TASP1: variants seen among roughly 807,000 people sequenced by gnomAD.
TASP1 encodes threonine aspartase 1.
A neutral mutation model predicts 56.6 loss-of-function variants in TASP1; 16 were observed. The observed-to-expected ratio is 0.28, with a 90% CI of 0.19 to 0.43. The LOEUF (loss-of-function observed/expected upper bound fraction) is 0.43, where lower values mean the gene tolerates loss of function less well. Among genes scored for constraint, TASP1 ranks in the 20% least tolerant of loss-of-function variants. TASP1 has a pLI of 1.00. For missense variants in TASP1, 393 were observed against 511.6 expected (o/e 0.77, Z 2.24); for synonymous variants, 179 against 184.2 (o/e 0.97, Z 0.23).
the TASP1 span, among the ~76,000 whole-genome samples, chr20:13,362,002 C>T: frequency 6.7e-6 from 1 of 150,150 alleles, no homozygotes; most frequent in Non-Finnish European, 1.5e-5. Flanking sequence ...CATCACCAAT[C>T]ATTCTATACC....
the TASP1 span, among the ~76,000 whole-genome samples, chr20:13,276,385 C>T: frequency 2.9e-4 from 44 of 152,274 alleles, 1 homozygote; most frequent in East Asian, 7.9e-3. Context: ...TGCTTCTAGT[C>T]AATGTATTAA....
chr20:13,163,284 C>T, the TASP1 span, among the ~76,000 whole-genome samples: 1 of 148,678 alleles, frequency 6.7e-6, no homozygotes, highest in Non-Finnish European at 1.5e-5. Context: ...AGGAGAATCA[C>T]TTGAACCCGG....
chr20:13,433,093 A>G (rs1048504377), intron 12 of TASP1, among the ~76,000 whole-genome samples: 8 of 152,052 alleles, frequency 5.3e-5, no homozygotes, highest in African/African-American at 7.2e-5. Flanking sequence ...TGTCATCTAC[A>G]TTAAGTATTT....
rs182070678 is a variant in TASP1, at chr20:13,536,132, T to G, written c.676-1991A>C. ...ACCTTTAAGAAGGCTTCTCAAATTTTAATGTGCACACACATCATCAGGAGA... is the reference window on the plus strand; with the variant it reads ...ACCTTTAAGAAGGCTTCTCAAATTTGAATGTGCACACACATCATCAGGAGA... On this transcript the variant is annotated intron_variant, in intron 8 of 13. Transcript: ENST00000337743. Among the ~76,000 whole-genome samples, 350 of 152,318 alleles carry G rather than the reference T, an allele frequency of 2.3e-3. 1 individual carries two copies. The highest frequency in any genetic ancestry group is 8.1e-3 in the African/African-American group (338 of 41,576).
At chr20:13,461,939 G>A (rs1182161016) in intron 11 of TASP1, among the ~76,000 whole-genome samples, 1 of 152,120 alleles carries the variant, frequency 6.6e-6, no homozygotes, top group Non-Finnish European at 1.5e-5. Flanking sequence ...CCCATTTTGT[G>A]GAGGAGACAA....
Position 13,421,753 on chromosome 20 carries a change from G to A in TASP1, c.1097-4232C>T, listed in dbSNP as rs1461421948. Among the ~76,000 whole-genome samples, 5 of 152,260 alleles carry A rather than the reference G, an allele frequency of 3.3e-5. No homozygotes were observed. In the East Asian group the frequency reaches 9.7e-4, roughly 29 times the overall value. On this transcript the variant is annotated intron_variant, in intron 12 of 13. Transcript: ENST00000337743. The stretch of plus-strand genomic sequence containing the variant: ...AAAAGAGCAGATTCATATAGCAGTG[G>A]TGGGAGTATGGCCATCTGCAAGAAC...
the TASP1 span, chr20:13,166,035 G>A: frequency 5.9e-5 from 9 of 152,576 alleles, no homozygotes; most frequent in South Asian, 1.9e-3. Context: ...ATCTGATCTA[G>A]TTTGTATGGA....
At chr20:13,210,262 T>C in the TASP1 span, among the ~76,000 whole-genome samples, 70,799 of 150,948 alleles carry the variant, frequency 0.47, 17,945 homozygotes, top group African/African-American at 0.68. Flanking sequence ...AATTGATACA[T>C]GTTTGGATTG....
At chr20:13,305,620 T>C in the TASP1 span, among the ~76,000 whole-genome samples, 1 of 152,190 alleles carries the variant, frequency 6.6e-6, no homozygotes, top group Non-Finnish European at 1.5e-5. Context: ...GAAACATACA[T>C]CCATGTCTAC....
At chr20:13,473,736 T>C (rs554340207) in intron 11 of TASP1, among the ~76,000 whole-genome samples, 1 of 152,298 alleles carries the variant, frequency 6.6e-6, no homozygotes, top group East Asian at 1.9e-4. Flanking sequence ...CTTCCTCTGC[T>C]TCTTTTGAAC....
chr20:13,406,392 T>C (rs1568757327), intron 13 of TASP1, among the ~76,000 whole-genome samples: 1 of 152,226 alleles, frequency 6.6e-6, no homozygotes, highest in Non-Finnish European at 1.5e-5. Flanking sequence ...ACATCATTCG[T>C]TAGATTCATT....
intron 11 of TASP1, among the ~76,000 whole-genome samples, chr20:13,445,842 A>G (rs2043390759): frequency 6.6e-6 from 1 of 152,146 alleles, no homozygotes. Context: ...GGGAGCAGGT[A>G]GGGTGGTATA....
intron 4 of TASP1, among the ~76,000 whole-genome samples, chr20:13,600,060 T>C (rs1190327447): frequency 9.2e-5 from 14 of 152,062 alleles, no homozygotes; most frequent in Admixed American, 6.6e-5. Flanking sequence ...CATGAAATAC[T>C]TGGGAATAAA....
intron 11 of TASP1, among the ~76,000 whole-genome samples, chr20:13,442,141 A>G (rs1253881865): frequency 6.6e-6 from 1 of 151,890 alleles, no homozygotes; most frequent in Non-Finnish European, 1.5e-5. Flanking sequence ...CTTTCCCCCC[A>G]TAAACTGAGT....
chr20:13,244,126 C>G, the TASP1 span: 2 of 152,204 alleles, frequency 1.3e-5, no homozygotes, highest in African/African-American at 2.4e-5. Flanking sequence ...GCTATCCTCT[C>G]TTTTGTTCAC....
the TASP1 span, among the ~76,000 whole-genome samples, chr20:13,306,244 G>A: frequency 1.3e-5 from 2 of 152,092 alleles, no homozygotes; most frequent in African/African-American, 2.4e-5. Context: ...TTTCAAGCCT[G>A]ACTTTTAAAA....
At chr20:13,498,681 C>CA (rs2043827561) in intron 10 of TASP1, among the ~76,000 whole-genome samples, 1 of 143,608 alleles carries the variant, frequency 7.0e-6, no homozygotes, top group South Asian at 2.2e-4. Context: ...TACAAATGGC[C>CA]AACAAACATA....
chr20:13,436,250 T>C (rs537581949), intron 11 of TASP1, among the ~76,000 whole-genome samples: 34 of 151,940 alleles, frequency 2.2e-4, no homozygotes, highest in Admixed American at 3.3e-4. Flanking sequence ...GGATAAAAGA[T>C]GGTAGGTTGA....
the TASP1 span, among the ~76,000 whole-genome samples, chr20:13,274,038 C>T: frequency 1.3e-5 from 2 of 149,796 alleles, no homozygotes; most frequent in Admixed American, 6.6e-5. Context: ...CTGGGAGCCC[C>T]CGCCTTCTGT....
Sources: allele counts gnomAD v4.1 joint callset (sites outside exome capture counted in the v4.1 genomes callset), GRCh38; gene constraint gnomAD v4.1.1; transcripts MANE v1.5; gene names NCBI Gene and HGNC (gene_info 2026-07-23, HGNC 2026-07-21).